Variants in CSNK2A1 observed in about 807,000 individuals in gnomAD.
The protein encoded by CSNK2A1 is casein kinase 2 alpha 1, also known as casein kinase II subunit alpha.
In CSNK2A1, 10 loss-of-function variants were observed where a neutral mutation model predicts 62.9. The observed-to-expected ratio is 0.16, with a 90% confidence interval of 0.10 to 0.27. The LOEUF is 0.27. Ranked by LOEUF, CSNK2A1 falls within the 10% of genes least tolerant of loss-of-function variation. The pLI is 1.00. For missense variants in CSNK2A1, 160 were observed against 492.0 expected, an observed-to-expected ratio of 0.33 and a Z score of 6.38; for synonymous variants, 124 against 167.8, an observed-to-expected ratio of 0.74 and a Z score of 2.02.
intron 10 of CSNK2A1, 119 bp from the exon 11 acceptor site, chr20:488,897 T>A (rs2018157284): frequency 1.1e-6 from 1 of 871,062 alleles, no homozygotes; most frequent in African/African-American, 1.7e-5. Context: ...GAATGCTACC[T>A]CCTAACAGTT....
At chr20:511,703 T>TATAC (rs1408379213) in intron 2 of CSNK2A1, among the ~76,000 whole-genome samples, 444 of 151,024 alleles carry the variant, frequency 2.9e-3, no homozygotes, top group Middle Eastern at 0.01. Context: ...TGTATATATA[T>TATAC]ACACACACAC....
intron 2 of CSNK2A1, among the ~76,000 whole-genome samples, chr20:519,540 C>T (rs182063043): frequency 2.6e-4 from 39 of 152,250 alleles, no homozygotes; most frequent in Admixed American, 1.9e-3. Flanking sequence ...ACAGCAAGAC[C>T]TTGTCTCAAA....
chr20:499,169 G>A lies in CSNK2A1; in HGVS notation c.366+86C>T, dbSNP rs2018406965. 14 of 1,185,146 alleles carry A rather than the reference G, an allele frequency of 1.2e-5. No homozygotes were observed. In the South Asian group the frequency reaches 1.4e-4, roughly 11 times the overall value. The allele number at this position is 1,185,146 out of a possible 1,614,324, so 73.4% of individuals were successfully genotyped here. ...TGAAAAGCTTTTTAAAAACAAATGC[G>A]AAGCAAGCTCTTCTAACAGCATCAT... On this transcript the variant is annotated intron_variant, in intron 6 of 13. Transcript: ENST00000217244. The surrounding 1 kb of genome is among the most constrained non-coding windows in gnomAD (Gnocchi z 4.2).
intron 1 of CSNK2A1, among the ~76,000 whole-genome samples, chr20:542,302 A>G (rs1328126761): frequency 1.3e-5 from 2 of 152,254 alleles, no homozygotes; most frequent in African/African-American, 4.8e-5. Flanking sequence ...TAGAGAGTTT[A>G]GGTCACACAG....
intron 1 of CSNK2A1, among the ~76,000 whole-genome samples, chr20:531,267 A>G (rs1479220948): frequency 6.6e-6 from 1 of 152,138 alleles, no homozygotes; most frequent in Non-Finnish European, 1.5e-5. Context: ...TCATTCCTGC[A>G]CTGACAAAAA....
At chr20:528,599 T>TTTTC in intron 1 of CSNK2A1, among the ~76,000 whole-genome samples, 1 of 152,234 alleles carries the variant, frequency 6.6e-6, no homozygotes, top group East Asian at 1.9e-4. Flanking sequence ...TTTTTCTTTT[T>TTTTC]TTTCTTTCTT....
rs970170410 is a variant in CSNK2A1 at position 532,847 on chromosome 20, T to C, written c.-226-4798A>G. Among the ~76,000 whole-genome samples, 6 of 152,158 alleles carry C rather than the reference T, an allele frequency of 3.9e-5. No individual in the cohort carries two copies. The East Asian group carries it at 7.7e-4, about 20-fold the overall frequency. On this transcript the variant is annotated intron_variant, in intron 1 of 13. Transcript: ENST00000217244. ...CCATTTCGTCTGGAAGATCATCTAT[T>C]TGGAGGTCACTGACACAAAAAAACA...
chr20:524,719 AAAAAAAAAAAAG>A (rs2019039123), intron 2 of CSNK2A1, among the ~76,000 whole-genome samples: 1 of 151,222 alleles, frequency 6.6e-6, no homozygotes, highest in Non-Finnish European at 1.5e-5. Flanking sequence ...AAAAAAAAAA[AAAAAAAAAAAAG>A]AGATACATCT....
intron 12 of CSNK2A1, 145 bp downstream of exon 12, chr20:487,282 T>G: frequency 9.3e-7 from 1 of 1,079,482 alleles, no homozygotes; most frequent in Non-Finnish European, 1.3e-6. Flanking sequence ...GCAATGTAGT[T>G]GCCATCACTA....
chr20:510,683 G>C (rs189123813), intron 2 of CSNK2A1, among the ~76,000 whole-genome samples: 20 of 152,256 alleles, frequency 1.3e-4, no homozygotes, highest in Non-Finnish European at 2.8e-4. Flanking sequence ...AAAGGGAATA[G>C]AGATGCCCTT....
intron 2 of CSNK2A1, chr20:526,979 GAGAGAA>G (rs2019104698): frequency 7.2e-6 from 1 of 138,752 alleles, no homozygotes; most frequent in African/African-American, 2.9e-5. Flanking sequence ...GAGAGAGAGA[GAGAGAA>G]AGAGAGAGAG....
intron 7 of CSNK2A1, among the ~76,000 whole-genome samples, chr20:497,038 G>C (rs1319875522): frequency 6.6e-6 from 1 of 151,992 alleles, no homozygotes; most frequent in African/African-American, 2.4e-5. Context: ...ATTTGTTAAG[G>C]GGTCAGTCCC....
intron 4 of CSNK2A1, 141 bp from the exon 5 acceptor site, chr20:500,075 T>C: frequency 1.5e-6 from 1 of 647,446 alleles, no homozygotes; most frequent in Non-Finnish European, 2.7e-6. Flanking sequence ...CATTCGTCTC[T>C]GAATCCTTCT....
intron 7 of CSNK2A1, chr20:496,798 T>C (rs925101815): frequency 6.6e-6 from 1 of 152,246 alleles, no homozygotes; most frequent in African/African-American, 2.4e-5. Context: ...GGGAACAAGA[T>C]ATTTGGTGAC....
chr20:497,887 C>G, intron 6 of CSNK2A1, 107 bp from the exon 7 acceptor site: 1 of 961,228 alleles, frequency 1.0e-6, no homozygotes, highest in East Asian at 2.5e-5. Context: ...ACCGTTGTTC[C>G]AAGATCTGTC....
intron 4 of CSNK2A1, chr20:500,630 T>C (rs1327231012): frequency 1.3e-5 from 2 of 149,150 alleles, no homozygotes; most frequent in African/African-American, 5.0e-5. Context: ...TGATCACCAA[T>C]GCTCTTTTTT....
In CSNK2A1 at chr20:499,631, C is replaced by A; in HGVS notation, c.315+202G>T. On this transcript the variant is annotated intron_variant, in intron 5 of 13. Coordinates refer to ENST00000217244, the MANE Select transcript of CSNK2A1 (RefSeq NM_177559.3). The surrounding 1 kb of genome is among the most constrained non-coding windows in gnomAD (Gnocchi z 4.2). ...TTTCCAGTGCTATCAGTCTCTTAGC[C>A]TAGAAGAATAAGAAATAGTCTGTGG... is the stretch of plus-strand genomic sequence containing the variant. 1.7e-6 allele frequency: 1 copy of A among 594,128 alleles called. No individual in the cohort carries two copies. Among genetic ancestry groups the A allele is most frequent in the Non-Finnish European group, 3.0e-6 (1 of 338,238 alleles). The allele number at this position is 594,128 out of a possible 1,614,324, so 36.8% of individuals were successfully genotyped here.
intron 8 of CSNK2A1, chr20:494,647 G>A (rs572647151): frequency 3.9e-5 from 6 of 152,174 alleles, no homozygotes; most frequent in Non-Finnish European, 7.3e-5. Flanking sequence ...ACATGCTAAA[G>A]CTTAGAATAT....
rs773964420 is a variant in CSNK2A1, at chr20:476,738, A to C, written c.*7223T>G. On this transcript the variant is annotated 3_prime_UTR_variant, in exon 14 of 14. Transcript: ENST00000217244. ...CAGGCATGCACCACCATGCCCAGCTAATCTGTGTATTTTTTGTAGAGAGGG... is the reference window on the plus strand; with the variant it reads ...CAGGCATGCACCACCATGCCCAGCTCATCTGTGTATTTTTTGTAGAGAGGG... 3 of 151,328 alleles carry C rather than the reference A, an allele frequency of 2.0e-5. No homozygotes were observed. Among genetic ancestry groups the C allele is most frequent in the Admixed American group, 6.6e-5 (1 of 15,210 alleles). The allele number at this position is 151,328 out of a possible 1,614,324, so 9.4% of individuals were successfully genotyped here. A position where few individuals can be genotyped will look rare whatever the true frequency, so the allele number is the denominator to read the frequency against.
Sources: gnomAD v4.1 joint callset for allele counts (sites outside exome capture counted in the v4.1 genomes callset) on GRCh38, gnomAD v4.1.1 for gene constraint, Gnocchi (gnomAD v3.1) non-coding constraint, MANE v1.5 for transcripts, NCBI Gene and HGNC (gene_info 2026-07-23, HGNC 2026-07-21) for gene names.